The following PFKFB4 variants were observed in gnomAD, a reference collection of about 807,000 sequenced individuals.
The protein encoded by PFKFB4 is 6-phosphofructo-2-kinase/fructose-2,6-biphosphatase 4, also known as 6-phosphofructo-2-kinase/fructose-2,6-bisphosphatase 4.
In PFKFB4, 42 loss-of-function variants were observed where a neutral mutation model predicts 62.8. That is an observed-to-expected ratio of 0.67 (90% CI 0.52 to 0.86). The LOEUF is 0.86. Ranked by LOEUF, PFKFB4 falls within the 40% of genes least tolerant of loss-of-function variation. The pLI, the probability that PFKFB4 is intolerant of heterozygous loss-of-function variation, is 0.00. For synonymous variants in PFKFB4, 204 were observed against 240.7 expected, an observed-to-expected ratio of 0.85 and a Z score of 1.41; for missense variants, 475 against 627.2, an observed-to-expected ratio of 0.76 and a Z score of 2.59.
chr3:48,563,110 A>C (rs745840289), upstream of PFKFB4: 71 of 1,610,610 alleles, frequency 4.4e-5, 3 homozygotes, highest in Admixed American at 8.2e-4. This position sits in a 1 kb window ranked among gnomAD's most constrained non-coding sequence, Gnocchi z 4.5. Context: ...GCAACAGCAG[A>C]GCACACCTGG....
At chr3:48,557,024 C>G (rs2043346122), upstream of PFKFB4, 3 of 1,297,008 alleles carry the variant, frequency 2.3e-6, no homozygotes, top group Non-Finnish European at 3.0e-6. Flanking sequence ...GTTCTTCAGG[C>G]CAGGATCGAG....
intron 7 of PFKFB4, among the ~76,000 whole-genome samples, chr3:48,537,171 G>A (rs1156286519): frequency 6.6e-6 from 1 of 152,192 alleles, no homozygotes; most frequent in Non-Finnish European, 1.5e-5. Flanking sequence ...GTGGGCTCTG[G>A]TTCAGGCTGA....
intron 6 of PFKFB4, among the ~76,000 whole-genome samples, chr3:48,538,831 G>A (rs955859162): frequency 2.6e-5 from 4 of 152,136 alleles, no homozygotes; most frequent in Admixed American, 2.6e-4. Context: ...GAGGGTCCAG[G>A]GATTGAAGTC....
chr3:48,531,215 T>C (rs1455835662), intron 9 of PFKFB4, among the ~76,000 whole-genome samples: 1 of 151,564 alleles, frequency 6.6e-6, no homozygotes, highest in Non-Finnish European at 1.5e-5. Context: ...ATTTTTTAAA[T>C]TTAGGACAGG....
rs2042029964 is a variant in PFKFB4 at position 48,519,704 on chromosome 3, CAG to C, written c.*41_*42del. On this transcript the variant is annotated 3_prime_UTR_variant, in exon 14 of 14. Coordinates refer to ENST00000232375, the MANE Select transcript of PFKFB4 (RefSeq NM_004567.4). ...GGAGGGCCTGGAATGACCCCCTCTGCAGAGAGCAGTGCCTGCCTAGTGGTCAC... is the reference window on the plus strand; with the variant it reads ...GGAGGGCCTGGAATGACCCCCTCTGCAGAGCAGTGCCTGCCTAGTGGTCAC... 1.4e-6 allele frequency: 2 copies of C among 1,472,548 alleles called. No homozygotes were observed. The highest frequency in any genetic ancestry group is 4.5e-5 in the East Asian group (2 of 44,100). The allele number at this position is 1,472,548 out of a possible 1,614,324, so 91.2% of individuals were successfully genotyped here.
chr3:48,532,549 G>C (rs2042461601), intron 9 of PFKFB4, among the ~76,000 whole-genome samples: 1 of 152,184 alleles, frequency 6.6e-6, no homozygotes, highest in Non-Finnish European at 1.5e-5. Flanking sequence ...TTCTGCCTTA[G>C]AAAGGAAGAA....
At chr3:48,548,273 A>G (rs542040235) in intron 3 of PFKFB4, 1 of 152,156 alleles carries the variant, frequency 6.6e-6, no homozygotes, top group Non-Finnish European at 1.5e-5. Flanking sequence ...TGGTCCCAGC[A>G]TCTGGAAAAG....
In PFKFB4 at chr3:48,518,678, G is replaced by A. The variant is rs2041991734; in HGVS notation, c.*1069C>T. 2 of 152,388 alleles carry A rather than the reference G, an allele frequency of 1.3e-5. No individual in the cohort carries two copies. The highest frequency in any genetic ancestry group is 2.1e-4 in the South Asian group (1 of 4,824). The allele number at this position is 152,388 out of a possible 1,614,324, so 9.4% of individuals were successfully genotyped here. A position where few individuals can be genotyped will look rare whatever the true frequency, so the allele number is the denominator to read the frequency against. On this transcript the variant is annotated 3_prime_UTR_variant, in exon 14 of 14. Transcript: ENST00000232375. ...CTCCCTTGCCCAGGGACTGCCTATG[G>A]GTTCTGCCTTCTCCCTTCCTCAGAC...
At chr3:48,530,490 G>T (rs1446805248) in intron 9 of PFKFB4, among the ~76,000 whole-genome samples, 1 of 151,928 alleles carries the variant, frequency 6.6e-6, no homozygotes, top group East Asian at 1.9e-4. Context: ...AAGACTATTG[G>T]AATAAAAACA....
At chr3:48,520,057 G>C (rs1463475026) in intron 13 of PFKFB4, among the ~76,000 whole-genome samples, 3 of 152,216 alleles carry the variant, frequency 2.0e-5, no homozygotes, top group Non-Finnish European at 4.4e-5. Context: ...ACTGCAGCCA[G>C]GTCAGGCAAT....
In PFKFB4 at chr3:48,540,993, T is replaced by A. The variant is rs375004293; in HGVS notation, c.379-1222A>T. 2.0e-5 allele frequency among the ~76,000 whole-genome samples: 3 copies of A among 152,082 alleles called. No individual in the cohort carries two copies. The East Asian group carries it at 5.8e-4, about 29-fold the overall frequency. On this transcript the variant is annotated intron_variant, in intron 4 of 13. Coordinates refer to ENST00000232375, the MANE Select transcript of PFKFB4 (RefSeq NM_004567.4). The stretch of plus-strand genomic sequence containing the variant: ...GGTTTCACCATGTTGGGCAGGCTGG[T>A]CTCGAACTCCTGACCTCATGATCTG...
At chr3:48,539,802 T>C in intron 4 of PFKFB4, 31 bp from the exon 5 acceptor site, 3 of 1,592,046 alleles carry the variant, frequency 1.9e-6, no homozygotes, top group Non-Finnish European at 2.6e-6. Context: ...ACTCAGCCTC[T>C]GGCCCTGGGG....
chr3:48,562,404 AGGTG>A, upstream of PFKFB4: 1 of 245,582 alleles, frequency 4.1e-6, no homozygotes, highest in Non-Finnish European at 7.9e-6. This position sits in a 1 kb window ranked among gnomAD's most constrained non-coding sequence, Gnocchi z 4.3. Context: ...GGCGGTGTCC[AGGTG>A]TTCTGTGACT....
In PFKFB4 at chr3:48,535,509, T is replaced by C; in HGVS notation, c.987+3A>G. 6.2e-7 allele frequency: 1 copy of C among 1,612,900 alleles called. No individual in the cohort carries two copies. The highest frequency in any genetic ancestry group is 8.5e-7 in the Non-Finnish European group (1 of 1,179,022). ...TAGACAGGGAGGGAGGGACGGTAAC[T>C]ACCGCATCGATCTCGTTGAGGACCT... On this transcript the variant is annotated splice_donor_region_variant and intron_variant, in intron 9 of 13. Coordinates refer to ENST00000232375, the MANE Select transcript of PFKFB4 (RefSeq NM_004567.4).
Position 48,554,521 on chromosome 3 carries a change from C to T in PFKFB4, c.97+2160G>A, listed in dbSNP as rs114809914. 9.3e-3 allele frequency among the ~76,000 whole-genome samples: 1,412 copies of T among 152,322 alleles called. 23 individuals carry two copies. Among genetic ancestry groups the T allele is most frequent in the African/African-American group, 0.032 (1,312 of 41,554 alleles). On this transcript the variant is annotated intron_variant, in intron 1 of 13. Coordinates refer to ENST00000232375, the MANE Select transcript of PFKFB4 (RefSeq NM_004567.4). ...CTGAGACACCGTGATGGCACGAGCC[C>T]CTCAGCTCAGGCCAGAGCCACATTT...
rs2042095954 is a variant in PFKFB4 at position 48,521,592 on chromosome 3, C to G, written c.1350+394G>C. On this transcript the variant is annotated intron_variant, in intron 13 of 13. Coordinates refer to ENST00000232375, the MANE Select transcript of PFKFB4 (RefSeq NM_004567.4). This position sits in a 1 kb window ranked among gnomAD's most constrained non-coding sequence, Gnocchi z 5.3. ...GATGGGGAGTGGGAAGAGTGCCCAC[C>G]TGCCCTCAGAAGGCCAGAAGCCTCA... Among the ~76,000 whole-genome samples the G allele has an allele frequency of 1.3e-5, 2 of 152,324 alleles. No individual in the cohort carries two copies. Among genetic ancestry groups the G allele is most frequent in the South Asian group, 4.1e-4 (2 of 4,832 alleles).
In PFKFB4 at chr3:48,525,234, G is replaced by A. The variant is rs141302991; in HGVS notation, c.1092+331C>T. The stretch of plus-strand genomic sequence containing the variant: ...AGGGGTCCCAGGAAAGCCTAACTCC[G>A]CAGATCCCCCACCTCAGGCCCTGCC... On this transcript the variant is annotated intron_variant, in intron 10 of 13. Coordinates refer to ENST00000232375, the MANE Select transcript of PFKFB4 (RefSeq NM_004567.4). Among the ~76,000 whole-genome samples, 408 of 152,230 alleles carry A rather than the reference G, an allele frequency of 2.7e-3. 3 individuals are homozygous for A. Among genetic ancestry groups the A allele is most frequent in the African/African-American group, 9.1e-3 (380 of 41,540 alleles).
intron 1 of PFKFB4, among the ~76,000 whole-genome samples, chr3:48,552,254 A>G (rs938851358): frequency 6.6e-6 from 1 of 152,214 alleles, no homozygotes; most frequent in African/African-American, 2.4e-5. Flanking sequence ...ACCCTGGCGG[A>G]TACTGAGCTA....
chr3:48,557,467 T>C (rs1485395125), upstream of PFKFB4, among the ~76,000 whole-genome samples: 1 of 152,210 alleles, frequency 6.6e-6, no homozygotes, highest in African/African-American at 2.4e-5. Context: ...TTTTACCTCA[T>C]GGATAGAGAC....
Sources: gnomAD v4.1 joint callset for allele counts (sites outside exome capture counted in the v4.1 genomes callset) on GRCh38, gnomAD v4.1.1 for gene constraint, Gnocchi (gnomAD v3.1) non-coding constraint, MANE v1.5 for transcripts, NCBI Gene and HGNC (gene_info 2026-07-23, HGNC 2026-07-21) for gene names.